ATP11C: variants seen among roughly 807,000 people sequenced by gnomAD.
The protein encoded by ATP11C is ATPase phospholipid transporting 11C (ATP11C blood group).
ATP11C carries 36 observed loss-of-function variants against 97.4 expected under a neutral mutation model. The ratio of observed to expected loss-of-function variants is 0.37; its 90% CI spans 0.28 to 0.49. ATP11C has a LOEUF of 0.49. ATP11C is among the 20% of genes least tolerant of loss of function. The probability of loss-of-function intolerance (pLI) is 0.98; values close to 1 mark genes in which losing one functional copy is unlikely to be tolerated. For missense variants in ATP11C, 730 were observed against 824.6 expected (o/e 0.89, Z 1.40); for synonymous variants, 275 against 290.9 (o/e 0.95, Z 0.56).
chrX:139,931,895 AGGG>A, intron 1 of ATP11C, 118 bp downstream of exon 1: 1 of 862,775 alleles, frequency 1.2e-6, no homozygotes, highest in Non-Finnish European at 1.5e-6. Context: ...AAGGAAGAAG[AGGG>A]GTGGTGGTGT....
At chrX:139,864,487 C>G (rs1435376790) in intron 1 of ATP11C, among the ~76,000 whole-genome samples, 4 of 112,382 alleles carry the variant, frequency 3.6e-5, no homozygotes, top group Non-Finnish European at 5.6e-5. Context: ...GATCAAAACA[C>G]TGGCTCTGCT....
At chrX:139,764,188 G>A (rs1291935101) in intron 20 of ATP11C, among the ~76,000 whole-genome samples, 4 of 111,898 alleles carry the variant, frequency 3.6e-5, no homozygotes, top group Non-Finnish European at 7.5e-5. Context: ...TTAAATTATT[G>A]CACCTATCTG....
At position 139,865,547 on chromosome X, in the gene ATP11C, G is replaced by A. The variant is rs185366164; in HGVS notation, c.28-38724C>T. On this transcript the variant is annotated intron_variant, in intron 1 of 29. Transcript: ENST00000682941. ...GAGGCCGAGGCGGGCGGATCACGAG[G>A]TCAAGAGATTGAGACCATCCTGGCC... Among the ~76,000 whole-genome samples the A allele has an allele frequency of 7.7e-3, 851 of 110,534 alleles. 6 individuals are homozygous for A. The highest frequency in any genetic ancestry group is 0.023 in the Middle Eastern group (5 of 213).
rs192967326 is a variant in ATP11C at position 139,900,241 on chromosome X, C to T, written c.27+31775G>A. ...AAAATTAGCGGGGTGTGGTGGCATGCGCCTGTAGTCCCAGCTACTTGGGAG... is the reference window on the plus strand; with the variant it reads ...AAAATTAGCGGGGTGTGGTGGCATGTGCCTGTAGTCCCAGCTACTTGGGAG... On this transcript the variant is annotated intron_variant, in intron 1 of 29. Transcript: ENST00000682941. Among the ~76,000 whole-genome samples the T allele has an allele frequency of 5.6e-3, 613 of 109,587 alleles. 6 individuals carry two copies. The highest frequency in any genetic ancestry group is 0.019 in the African/African-American group (577 of 30,096).
At position 139,763,326 on chromosome X, in the gene ATP11C, A is replaced by G. The variant is rs2082074019; in HGVS notation, c.2484T>C (p.His828=). 1.7e-6 allele frequency: 2 copies of G among 1,202,582 alleles called. No individual in the cohort carries two copies. The highest frequency in any genetic ancestry group is 1.8e-5 in the South Asian group (1 of 56,641). The change falls in exon 21 of 30, where the codon CAT becomes CAC. Residue 828 remains histidine, a synonymous_variant. Transcript: ENST00000682941. ...TTAGATGTATCTTACCTATTCCCACATGGGATTCCAAGATCATACTAACAT... is the reference window on the plus strand; with the variant it reads ...TTAGATGTATCTTACCTATTCCCACGTGGGATTCCAAGATCATACTAACAT... ...ANDVSMILES[H]VGIGIKGKEG...
intron 1 of ATP11C, among the ~76,000 whole-genome samples, chrX:139,847,677 T>C (rs1183841098): frequency 9.5e-5 from 10 of 104,807 alleles, no homozygotes; most frequent in Non-Finnish European, 2.0e-4. Context: ...CATTCTAGAT[T>C]GGAAATCAGA....
At chrX:139,785,514 T>C (rs920511013) in intron 15 of ATP11C, among the ~76,000 whole-genome samples, 2 of 111,392 alleles carry the variant, frequency 1.8e-5, no homozygotes, top group African/African-American at 6.5e-5. Context: ...AGCCCCTCAG[T>C]ATATTACTTA....
chrX:139,808,481 C>T (rs1290262252), intron 5 of ATP11C, among the ~76,000 whole-genome samples: 1 of 110,740 alleles, frequency 9.0e-6, no homozygotes, highest in Non-Finnish European at 1.9e-5. Context: ...GTAAAGGCAT[C>T]AAAGAAATAT....
At chrX:139,832,210 C>A in intron 1 of ATP11C, 1 of 1,207,867 alleles carries the variant, frequency 8.3e-7, no homozygotes, top group Non-Finnish European at 1.1e-6. Flanking sequence ...AGAAATTTGG[C>A]AACACAATGG....
Position 139,909,493 on chromosome X carries a change from T to C in ATP11C, c.27+22523A>G, listed in dbSNP as rs138329155. On this transcript the variant is annotated intron_variant, in intron 1 of 29. Transcript: ENST00000682941. ...ATCTGGTCTGTGATGTGATGGTGGA[T>C]ACACAAACTTATGCATGGGATAAAA... 9.6e-3 allele frequency among the ~76,000 whole-genome samples: 1,061 copies of C among 110,815 alleles called. 17 individuals carry two copies. The highest frequency in any genetic ancestry group is 0.033 in the African/African-American group (991 of 30,408).
chrX:139,862,679 T>C (rs2084221496), intron 1 of ATP11C, among the ~76,000 whole-genome samples: 1 of 110,933 alleles, frequency 9.0e-6, no homozygotes, highest in Non-Finnish European at 1.9e-5. Flanking sequence ...GAGGAGAAAA[T>C]AGAGGCAGAG....
Position 139,902,288 on chromosome X carries a change from C to T in ATP11C, c.27+29728G>A, listed in dbSNP as rs184529596. On this transcript the variant is annotated intron_variant, in intron 1 of 29. Transcript: ENST00000682941. ...AAATGTGTAAAACCAAGCTGTACCC[C>T]GACCACCTTGCACACATATCATCAG... is the stretch of plus-strand genomic sequence containing the variant. Among the ~76,000 whole-genome samples the T allele has an allele frequency of 3.1e-3, 342 of 110,908 alleles. 1 individual carries two copies. Among genetic ancestry groups the T allele is most frequent in the Non-Finnish European group, 4.8e-3 (256 of 52,989 alleles).
At chrX:139,810,138 A>G (rs1048926271) in intron 5 of ATP11C, among the ~76,000 whole-genome samples, 1 of 111,901 alleles carries the variant, frequency 8.9e-6, no homozygotes, top group Non-Finnish European at 1.9e-5. Context: ...CTCTCTGAAC[A>G]CAACGGAATT....
intron 1 of ATP11C, among the ~76,000 whole-genome samples, chrX:139,902,253 G>A (rs1569488993): frequency 9.0e-6 from 1 of 111,067 alleles, no homozygotes; most frequent in Non-Finnish European, 1.9e-5. Context: ...TGATGTCTCA[G>A]GTCTCCCTAA....
chrX:139,796,107 G>A (rs6528651), intron 12 of ATP11C, among the ~76,000 whole-genome samples, 166 bp downstream of exon 12: 20,529 of 111,594 alleles, frequency 0.18, 3,123 homozygotes, highest in African/African-American at 0.5. Context: ...AACTGATGCT[G>A]TAACTATGAA....
In ATP11C at chrX:139,792,550, G is replaced by C. The variant is rs1245371994; in HGVS notation, c.1207-3062C>G. ...TCTTATGGGACTGAGCCCTCAACCTGTGAGATCTGACATGATACACTATCT... is the reference window on the plus strand; with the variant it reads ...TCTTATGGGACTGAGCCCTCAACCTCTGAGATCTGACATGATACACTATCT... On this transcript the variant is annotated intron_variant, in intron 12 of 29. Transcript: ENST00000682941. Among the ~76,000 whole-genome samples the C allele has an allele frequency of 8.1e-5, 9 of 111,177 alleles. No homozygotes were observed. The Admixed American group carries it at 8.7e-4, about 11-fold the overall frequency.
chrX:139,792,698 G>A (rs1354620618), intron 12 of ATP11C, among the ~76,000 whole-genome samples: 2 of 111,654 alleles, frequency 1.8e-5, no homozygotes, highest in African/African-American at 6.5e-5. Flanking sequence ...GAGTGGCTAT[G>A]TGAGAATAAT....
Position 139,774,736 on chromosome X carries a change from T to A in ATP11C, c.2170A>T (p.Lys724Ter). The change falls in exon 19 of 30, where the codon AAG (lysine) becomes TAG (stop). Residue 724 changes from lysine (K) to a stop codon, truncating the protein, a stop_gained. Coordinates refer to ENST00000682941, the MANE Select transcript of ATP11C (RefSeq NM_001353812.2). LOFTEE classifies it high-confidence loss of function. ...TTAGGAAACTCATGCAGCAATTTCT[T>A]GCGATATTCTATCAATAATTCATGT... ...RLHELLIEYRKKLLHEFPKST... is the reference protein window; with the variant it reads ...RLHELLIEYR The A allele has an allele frequency of 8.3e-7, 1 of 1,210,006 alleles. No homozygotes were observed. The highest frequency in any genetic ancestry group is 1.1e-6 in the Non-Finnish European group (1 of 893,875).
chrX:139,748,717 T>C (rs1040554150), intron 24 of ATP11C, among the ~76,000 whole-genome samples: 3 of 111,793 alleles, frequency 2.7e-5, no homozygotes, highest in African/African-American at 9.8e-5. Flanking sequence ...GTAAACACCA[T>C]GAAGATGCAA....
Sources: gnomAD v4.1 joint callset for allele counts (sites outside exome capture counted in the v4.1 genomes callset) on GRCh38, gnomAD v4.1.1 for gene constraint, MANE v1.5 for transcripts, NCBI Gene and HGNC (gene_info 2026-07-23, HGNC 2026-07-21) for gene names.